The following ABCB1 variants were observed in gnomAD, a reference collection of about 807,000 sequenced individuals.
The protein encoded by ABCB1 is ATP-dependent translocase ABCB1.
Under a neutral mutation model 142.0 loss-of-function variants are expected in ABCB1, and 69 were observed. The observed-to-expected ratio is 0.49, with a 90% CI of 0.40 to 0.59. ABCB1 has a LOEUF of 0.59. Ranked by LOEUF, ABCB1 falls within the 20% of genes least tolerant of loss-of-function variation. ABCB1 has a pLI of 0.00. For missense variants in ABCB1, 1,326 were observed against 1,554.7 expected, an observed-to-expected ratio of 0.85 and a Z score of 2.47; for synonymous variants, 532 against 539.2, an observed-to-expected ratio of 0.99 and a Z score of 0.18.
chr7:87,630,156 A>C (rs1273296762), intron 1 of ABCB1, among the ~76,000 whole-genome samples: 1 of 152,084 alleles, frequency 6.6e-6, no homozygotes, highest in Non-Finnish European at 1.5e-5. Context: ...GATGATGATG[A>C]AACTTTTTCT....
intron 4 of ABCB1, among the ~76,000 whole-genome samples, chr7:87,584,950 T>TAC (rs1818668625): frequency 6.8e-6 from 1 of 146,968 alleles, no homozygotes; most frequent in African/African-American, 2.6e-5. Context: ...TATCCTAAAA[T>TAC]ACCCCCCCAC....
chr7:87,625,952 G>A lies in ABCB1; in HGVS notation c.-330-24874C>T, dbSNP rs190832155. ...ATTAGTTAAGACTGACACTATATAC[G>A]TATGGCTAGAGAGAGAGGAATATAT... On this transcript the variant is annotated intron_variant, in intron 1 of 28. Transcript: ENST00000265724. Among the ~76,000 whole-genome samples, 198 of 147,730 alleles carry A rather than the reference G, an allele frequency of 1.3e-3. 2 individuals are homozygous for A. Among genetic ancestry groups the A allele is most frequent in the African/African-American group, 4.9e-3 (196 of 40,060 alleles).
At chr7:87,661,092 A>C (rs1481537853) in intron 1 of ABCB1, among the ~76,000 whole-genome samples, 3 of 151,922 alleles carry the variant, frequency 2.0e-5, no homozygotes, top group African/African-American at 7.2e-5. Context: ...ATTTTAAATG[A>C]TTTTATTCTG....
chr7:87,543,733 T>G (rs1480231970), intron 17 of ABCB1, among the ~76,000 whole-genome samples: 1 of 152,166 alleles, frequency 6.6e-6, no homozygotes, highest in African/African-American at 2.4e-5. Flanking sequence ...TCCTGGAAAG[T>G]ATGTATGTTA....
chr7:87,605,989 A>G (rs1004605195), intron 1 of ABCB1, among the ~76,000 whole-genome samples: 1 of 152,136 alleles, frequency 6.6e-6, no homozygotes, highest in Non-Finnish European at 1.5e-5. Flanking sequence ...TTTTAAAGAA[A>G]TCTATAAAAA....
intron 1 of ABCB1, among the ~76,000 whole-genome samples, chr7:87,656,681 T>C (rs1430317175): frequency 6.6e-6 from 1 of 152,046 alleles, no homozygotes; most frequent in Non-Finnish European, 1.5e-5. Context: ...AATTGATAGT[T>C]TAAAAAAAAC....
At chr7:87,531,738 T>A (rs1816065684) in intron 20 of ABCB1, 1 of 486,900 alleles carries the variant, frequency 2.1e-6, no homozygotes, top group Non-Finnish European at 3.7e-6. Context: ...TCTCTTTGGA[T>A]CTTTTAATAC....
chr7:87,562,763 GAAA>G (rs1256115733), intron 7 of ABCB1, among the ~76,000 whole-genome samples: 2 of 86,176 alleles, frequency 2.3e-5, no homozygotes, highest in Non-Finnish European at 5.3e-5. Flanking sequence ...TCTGTGAAAA[GAAA>G]AAAAAAAAAA....
chr7:87,554,865 C>T (rs1024609619), intron 8 of ABCB1, among the ~76,000 whole-genome samples: 11 of 152,062 alleles, frequency 7.2e-5, no homozygotes, highest in African/African-American at 1.4e-4. Context: ...TGGTGAGGAC[C>T]CATTAATACT....
chr7:87,564,440 C>G (rs1222453762), intron 7 of ABCB1, among the ~76,000 whole-genome samples: 1 of 152,068 alleles, frequency 6.6e-6, no homozygotes, highest in African/African-American at 2.4e-5. Flanking sequence ...GTTTCCTGTA[C>G]CAATGCCCTC....
intron 1 of ABCB1, among the ~76,000 whole-genome samples, chr7:87,615,140 C>T (rs982313025): frequency 6.6e-6 from 1 of 152,084 alleles, no homozygotes; most frequent in African/African-American, 2.4e-5. Flanking sequence ...CCCAGCCTTG[C>T]CTTTTATTCT....
intron 4 of ABCB1, among the ~76,000 whole-genome samples, chr7:87,577,478 A>C (rs1421597104): frequency 6.6e-6 from 1 of 151,884 alleles, no homozygotes. Flanking sequence ...TTTTTGAGGA[A>C]CCCCCATACT....
intron 1 of ABCB1, among the ~76,000 whole-genome samples, chr7:87,679,398 C>CT (rs35405859): frequency 1.3e-5 from 2 of 149,170 alleles, no homozygotes; most frequent in East Asian, 2.0e-4. Context: ...CGGCCCCCAA[C>CT]TTTTTTTTAA....
At chr7:87,530,826 AAAGC>A (rs748946051) in intron 21 of ABCB1, among the ~76,000 whole-genome samples, 115 of 74,232 alleles carry the variant, frequency 1.5e-3, no homozygotes, top group African/African-American at 6.6e-3. Flanking sequence ...AGAAAGCAAG[AAAGC>A]AAGAAAGCAA....
chr7:87,626,101 GTCATATATATGTGTCATA>G, intron 1 of ABCB1, among the ~76,000 whole-genome samples: 1 of 93,616 alleles, frequency 1.1e-5, no homozygotes, highest in South Asian at 3.7e-4. Context: ...TATATATATT[GTCATATATATGTGTCATA>G]TATATTGTCA....
intron 3 of ABCB1, among the ~76,000 whole-genome samples, chr7:87,587,304 A>G (rs1584903807): frequency 1.3e-5 from 2 of 152,370 alleles, no homozygotes; most frequent in Admixed American, 6.5e-5. Context: ...TTTTACCTCC[A>G]GAACTGTCAC....
chr7:87,541,314 A>T, intron 18 of ABCB1, 43 bp downstream of exon 18: 3 of 1,226,338 alleles, frequency 2.4e-6, no homozygotes, highest in South Asian at 2.4e-5. Context: ...TTGAATAATG[A>T]TGCATTTCTC....
chr7:87,519,012 C>T (rs28401781), intron 23 of ABCB1: 48,464 of 394,554 alleles, frequency 0.12, 3,254 homozygotes, highest in African/African-American at 0.19. Context: ...CAGTCAGACT[C>T]CTTGCTCAGG....
At chr7:87,554,095 T>C (rs542735824) in intron 8 of ABCB1, among the ~76,000 whole-genome samples, 163 bp from the exon 9 acceptor site, 2 of 152,346 alleles carry the variant, frequency 1.3e-5, no homozygotes, top group East Asian at 3.9e-4. Context: ...TTTTACTCCC[T>C]TTTTGCAGAA....
Sources: gnomAD v4.1 joint callset for allele counts (sites outside exome capture counted in the v4.1 genomes callset) on GRCh38, gnomAD v4.1.1 for gene constraint, MANE v1.5 for transcripts, NCBI Gene and HGNC (gene_info 2026-07-23, HGNC 2026-07-21) for gene names.